Variants in CDH13 observed in about 807,000 individuals in gnomAD.
The protein encoded by CDH13 is cadherin 13, also known as cadherin-13.
A neutral mutation model predicts 63.8 loss-of-function variants in CDH13; 24 were observed. The ratio of observed to expected loss-of-function variants is 0.38; its 90% CI spans 0.27 to 0.53. The LOEUF (loss-of-function observed/expected upper bound fraction) is 0.53. CDH13 is among the 20% of genes least tolerant of loss of function. CDH13 has a pLI of 0.85. For missense variants in CDH13, 1,049 were observed against 903.1 expected, an observed-to-expected ratio of 1.16 and a Z score of -2.07; for synonymous variants, 503 against 355.3, an observed-to-expected ratio of 1.42 and a Z score of -4.67.
intron 3 of CDH13, among the ~76,000 whole-genome samples, chr16:83,083,228 T>C (rs1198056561): frequency 6.6e-6 from 1 of 152,236 alleles, no homozygotes; most frequent in Non-Finnish European, 1.5e-5. Context: ...ATTCTCAAAA[T>C]ACTCTTGGGA....
intron 4 of CDH13, among the ~76,000 whole-genome samples, chr16:83,177,028 G>A (rs1226303552): frequency 1.3e-5 from 2 of 152,186 alleles, no homozygotes; most frequent in Non-Finnish European, 1.5e-5. Flanking sequence ...TTATGGAAAT[G>A]TTCTCTATCT....
At chr16:82,632,662 C>T (rs1341755685) in intron 1 of CDH13, among the ~76,000 whole-genome samples, 1 of 152,154 alleles carries the variant, frequency 6.6e-6, no homozygotes, top group Non-Finnish European at 1.5e-5. Flanking sequence ...CATTTTGGTA[C>T]CAGGGACCGG....
At chr16:83,770,091 T>C (rs950756294) in intron 11 of CDH13, among the ~76,000 whole-genome samples, 4 of 152,122 alleles carry the variant, frequency 2.6e-5, no homozygotes, top group African/African-American at 7.2e-5. Context: ...TGTTTCTCAT[T>C]GCATCCACAC....
chr16:82,918,503 T>G (rs184915881), intron 2 of CDH13, among the ~76,000 whole-genome samples: 1 of 145,608 alleles, frequency 6.9e-6, no homozygotes, highest in Admixed American at 6.9e-5. Context: ...ATGTACACTT[T>G]CACTTTTTTT....
intron 7 of CDH13, among the ~76,000 whole-genome samples, chr16:83,602,186 C>T (rs2150750918): frequency 7.9e-6 from 1 of 126,176 alleles, no homozygotes; most frequent in South Asian, 2.7e-4. Flanking sequence ...ATGGAACATT[C>T]TGTGATATAT....
chr16:82,666,502 T>G (rs1209094272), intron 1 of CDH13, among the ~76,000 whole-genome samples: 2 of 152,206 alleles, frequency 1.3e-5, no homozygotes, highest in African/African-American at 4.8e-5. Context: ...CCTCTCACTT[T>G]GTGTGGAATA....
intron 7 of CDH13, among the ~76,000 whole-genome samples, chr16:83,501,103 C>T (rs117503929): frequency 2.6e-5 from 4 of 152,206 alleles, no homozygotes; most frequent in Non-Finnish European, 4.4e-5. Context: ...CCTGGCTAAA[C>T]GTGATCATCA....
chr16:83,229,113 A>G (rs1025524732), intron 5 of CDH13, among the ~76,000 whole-genome samples: 1 of 152,106 alleles, frequency 6.6e-6, no homozygotes, highest in African/African-American at 2.4e-5. Flanking sequence ...CTTGGATTTT[A>G]CTCTAAGGAA....
intron 1 of CDH13, among the ~76,000 whole-genome samples, chr16:82,750,847 T>G (rs2151069434): frequency 6.6e-6 from 1 of 152,328 alleles, no homozygotes; most frequent in Admixed American, 6.5e-5. Flanking sequence ...GTTGAGTGCA[T>G]TCTTCCGGCA....
intron 6 of CDH13, among the ~76,000 whole-genome samples, chr16:83,356,212 A>ATGTGTGTGTGTGTGTGTG (rs10525181): frequency 2.9e-5 from 4 of 138,666 alleles, no homozygotes; most frequent in East Asian, 2.6e-4. Flanking sequence ...ATTTATTTTC[A>ATGTGTGTGTGTGTGTGTG]TGTGTGTGTG....
intron 10 of CDH13, among the ~76,000 whole-genome samples, chr16:83,679,430 C>T (rs1355356443): frequency 2.0e-5 from 3 of 152,174 alleles, no homozygotes; most frequent in African/African-American, 7.2e-5. Context: ...TGATTTGAAA[C>T]ACCTGAAAAT....
chr16:83,740,869 C>A (rs916312400), intron 10 of CDH13, among the ~76,000 whole-genome samples: 1 of 152,240 alleles, frequency 6.6e-6, no homozygotes, highest in Non-Finnish European at 1.5e-5. Context: ...GGTTGTGGCA[C>A]CCCATCCCTG....
intron 1 of CDH13, among the ~76,000 whole-genome samples, chr16:82,802,762 G>A (rs945694652): frequency 1.3e-5 from 2 of 152,178 alleles, no homozygotes; most frequent in African/African-American, 4.8e-5. Flanking sequence ...TTACCAGAAT[G>A]TTTAGGTACA....
intron 8 of CDH13, among the ~76,000 whole-genome samples, chr16:83,653,738 T>G (rs908479096): frequency 6.6e-6 from 1 of 152,192 alleles, no homozygotes; most frequent in Non-Finnish European, 1.5e-5. Flanking sequence ...TTTCTTCAAA[T>G]AATCCAACAA....
chr16:83,731,008 A>C (rs571948438), intron 10 of CDH13, among the ~76,000 whole-genome samples: 106 of 152,334 alleles, frequency 7.0e-4, no homozygotes, highest in African/African-American at 2.5e-3. Context: ...CCTTTTTCAC[A>C]GCTGCATAGT....
At chr16:83,253,110 T>A (rs1463557496) in intron 5 of CDH13, among the ~76,000 whole-genome samples, 1 of 152,204 alleles carries the variant, frequency 6.6e-6, no homozygotes, top group Non-Finnish European at 1.5e-5. Context: ...CTGGTGGTGG[T>A]GTCCTCCTCA....
intron 7 of CDH13, among the ~76,000 whole-genome samples, chr16:83,595,100 T>C (rs1907131156): frequency 6.6e-6 from 1 of 152,240 alleles, no homozygotes; most frequent in Admixed American, 6.5e-5. Flanking sequence ...CTTAGATATG[T>C]CTTACAAATC....
At chr16:82,632,550 G>A (rs1277422218) in intron 1 of CDH13, among the ~76,000 whole-genome samples, 1 of 152,154 alleles carries the variant, frequency 6.6e-6, no homozygotes, top group Non-Finnish European at 1.5e-5. Flanking sequence ...TGGCACACCA[G>A]TGTGTTGGTA....
intron 1 of CDH13, among the ~76,000 whole-genome samples, chr16:82,857,634 G>T (rs1357591610): frequency 6.6e-6 from 1 of 152,120 alleles, no homozygotes; most frequent in African/African-American, 2.4e-5. Flanking sequence ...GAAAGCAATT[G>T]TAAATTTTAA....
Sources: allele counts gnomAD v4.1 joint callset (sites outside exome capture counted in the v4.1 genomes callset), GRCh38; gene constraint gnomAD v4.1.1; transcripts MANE v1.5; gene names NCBI Gene and HGNC (gene_info 2026-07-23, HGNC 2026-07-21).